PCDH15: variants seen among roughly 807,000 people sequenced by gnomAD.
PCDH15 encodes protocadherin-15.
In PCDH15, 129 loss-of-function variants were observed where a neutral mutation model predicts 178.5. That is an observed-to-expected ratio of 0.72 (90% CI 0.63 to 0.84). PCDH15 has a LOEUF of 0.84. Ranked by LOEUF, PCDH15 falls within the 40% of genes least tolerant of loss-of-function variation. PCDH15 has a pLI of 0.00. For synonymous variants in PCDH15, 800 were observed against 732.0 expected (o/e 1.09, Z -1.50); for missense variants, 2,230 against 2,099.9 (o/e 1.06, Z -1.21).
intron 3 of PCDH15, among the ~76,000 whole-genome samples, chr10:54,874,443 G>A (rs1307496978): frequency 1.3e-5 from 2 of 151,660 alleles, no homozygotes; most frequent in Non-Finnish European, 2.9e-5. Context: ...ACGTGTGCAT[G>A]TGTCTTTATA....
chr10:55,056,824 G>C (rs1287904573), intron 2 of PCDH15, among the ~76,000 whole-genome samples: 1 of 151,626 alleles, frequency 6.6e-6, no homozygotes. Flanking sequence ...ATAGGAACAA[G>C]AGTTTCACCG....
At chr10:54,049,522 A>G (rs1256791733) in intron 18 of PCDH15, among the ~76,000 whole-genome samples, 1 of 152,026 alleles carries the variant, frequency 6.6e-6, no homozygotes, top group Non-Finnish European at 1.5e-5. Context: ...GATGGATCTG[A>G]TTATTTTGAA....
In PCDH15 at chr10:55,148,049, T is replaced by C. The variant is rs1043700022; in HGVS notation, c.-80+18527A>G. Among the ~76,000 whole-genome samples, 46 of 152,000 alleles carry C rather than the reference T, an allele frequency of 3.0e-4. 1 individual carries two copies. Among genetic ancestry groups the C allele is most frequent in the Admixed American group, 1.5e-3 (23 of 15,204 alleles). On this transcript the variant is annotated intron_variant, in intron 2 of 5. Transcript: ENST00000458638. ...TCTTTTGCTCCATTTAATCATGTCC[T>C]GTAAATATGCTTAAAGCTAAAGAAA...
At chr10:55,338,506 C>T (rs118192041) in intron 2 of PCDH15, among the ~76,000 whole-genome samples, 2,932 of 152,232 alleles carry the variant, frequency 0.019, 49 homozygotes, top group Non-Finnish European at 0.03. Flanking sequence ...CAGTGGCTCA[C>T]GCCTGTATCC....
At chr10:54,284,218 G>A (rs2058890200) in intron 8 of PCDH15, among the ~76,000 whole-genome samples, 1 of 152,138 alleles carries the variant, frequency 6.6e-6, no homozygotes, top group African/African-American at 2.4e-5. Context: ...AAAGCTTTAA[G>A]GAGTGGATGT....
At chr10:55,498,262 G>T (rs1840580584) in intron 2 of PCDH15, among the ~76,000 whole-genome samples, 1 of 151,834 alleles carries the variant, frequency 6.6e-6, no homozygotes, top group South Asian at 2.1e-4. Flanking sequence ...AAGGCATGGG[G>T]TATTTGATTC....
Position 54,888,455 on chromosome 10 carries a change from A to AT in PCDH15, c.-29+8994dup, listed in dbSNP as rs551514287. 7.9e-5 allele frequency among the ~76,000 whole-genome samples: 12 copies of AT among 151,992 alleles called. No homozygotes were observed. The South Asian group carries it at 2.5e-3, about 32-fold the overall frequency. Reference sequence around the variant, plus strand: ...TATACACATCTAGTTCTTGGTGGACATTTTGGTTTTATTATTTTGGTGCTA... The same window carrying AT: ...TATACACATCTAGTTCTTGGTGGACATTTTTGGTTTTATTATTTTGGTGCTA... On this transcript the variant is annotated intron_variant, in intron 3 of 5. Transcript: ENST00000458638.
intron 2 of PCDH15, among the ~76,000 whole-genome samples, chr10:55,397,147 C>A (rs1359141784): frequency 1.3e-5 from 2 of 152,096 alleles, no homozygotes; most frequent in African/African-American, 4.8e-5. Flanking sequence ...AATAATATTT[C>A]TAGTATAAAT....
At chr10:55,623,626 C>G (rs540357398) in intron 2 of PCDH15, among the ~76,000 whole-genome samples, 1 of 151,074 alleles carries the variant, frequency 6.6e-6, no homozygotes, top group Non-Finnish European at 1.5e-5. Flanking sequence ...GAAATCAATT[C>G]AAGAGATTAT....
chr10:54,513,072 AT>A (rs1451982438), intron 3 of PCDH15, among the ~76,000 whole-genome samples: 1 of 151,948 alleles, frequency 6.6e-6, no homozygotes, highest in Non-Finnish European at 1.5e-5. Context: ...GAATAATCAG[AT>A]TTTTCATTTT....
intron 2 of PCDH15, among the ~76,000 whole-genome samples, chr10:55,584,877 A>T (rs1014119315): frequency 6.6e-6 from 1 of 151,468 alleles, no homozygotes; most frequent in Non-Finnish European, 1.5e-5. Context: ...CACATAAATT[A>T]TATGTAGATG....
At chr10:54,912,459 C>T (rs1037122560) in intron 2 of PCDH15, among the ~76,000 whole-genome samples, 8 of 152,066 alleles carry the variant, frequency 5.3e-5, no homozygotes, top group African/African-American at 1.7e-4. Flanking sequence ...TCCTGCTCCA[C>T]GAGGTGAAGA....
intron 1 of PCDH15, among the ~76,000 whole-genome samples, chr10:54,799,233 A>T (rs1455275490): frequency 6.6e-6 from 1 of 152,126 alleles, no homozygotes; most frequent in African/African-American, 2.4e-5. Flanking sequence ...TGGCATAAAA[A>T]CAATTTATGT....
At chr10:54,974,382 A>T (rs1413111504) in intron 2 of PCDH15, among the ~76,000 whole-genome samples, 1 of 152,004 alleles carries the variant, frequency 6.6e-6, no homozygotes, top group Non-Finnish European at 1.5e-5. Context: ...TTAGCATACT[A>T]TGCTTCACTA....
At chr10:54,943,612 T>C (rs1838116024) in intron 2 of PCDH15, among the ~76,000 whole-genome samples, 1 of 151,898 alleles carries the variant, frequency 6.6e-6, no homozygotes, top group South Asian at 2.1e-4. Context: ...GTAATGGATA[T>C]AATGCATTTG....
At chr10:55,167,782 A>G (rs1002044362) in intron 1 of PCDH15, among the ~76,000 whole-genome samples, 4 of 152,128 alleles carry the variant, frequency 2.6e-5, no homozygotes, top group Non-Finnish European at 4.4e-5. Context: ...ACAATGATTT[A>G]TTTCTTACAA....
chr10:54,792,184 G>T (rs2133570195), intron 1 of PCDH15, among the ~76,000 whole-genome samples: 1 of 151,946 alleles, frequency 6.6e-6, no homozygotes, highest in East Asian at 1.9e-4. Flanking sequence ...TCTAAACAAA[G>T]GACCAGAAAA....
intron 4 of PCDH15, among the ~76,000 whole-genome samples, chr10:54,377,462 G>T (rs949452631): frequency 1.3e-5 from 2 of 152,124 alleles, no homozygotes; most frequent in East Asian, 3.9e-4. Flanking sequence ...TAAAAGCACT[G>T]TGGCAGCAGG....
At chr10:54,908,245 A>G (rs923370240) in intron 2 of PCDH15, among the ~76,000 whole-genome samples, 3 of 152,174 alleles carry the variant, frequency 2.0e-5, no homozygotes, top group Non-Finnish European at 4.4e-5. Context: ...CATGGGGTTC[A>G]GTTATAGTGC....
Sources: allele counts gnomAD v4.1 joint callset (sites outside exome capture counted in the v4.1 genomes callset), GRCh38; gene constraint gnomAD v4.1.1; transcripts MANE v1.5; gene names NCBI Gene and HGNC (gene_info 2026-07-23, HGNC 2026-07-21).